The following UNK variants were observed in gnomAD, a reference collection of about 807,000 sequenced individuals.
UNK encodes unk zinc finger.
Under a neutral mutation model 97.6 loss-of-function variants are expected in UNK, and 32 were observed. The observed-to-expected ratio is 0.33, with a 90% confidence interval of 0.25 to 0.44. The LOEUF (loss-of-function observed/expected upper bound fraction) is 0.44, where lower values mean the gene tolerates loss of function less well. Among genes scored for constraint, UNK ranks in the 20% least tolerant of loss-of-function variants. UNK has a pLI of 1.00. For missense variants in UNK, 771 were observed against 1,098.4 expected, an observed-to-expected ratio of 0.70 and a Z score of 4.21; for synonymous variants, 441 against 461.2, an observed-to-expected ratio of 0.96 and a Z score of 0.56.
chr17:75,813,902 G>T, intron 6 of UNK, 24 bp downstream of exon 6: 1 of 1,539,912 alleles, frequency 6.5e-7, no homozygotes, highest in South Asian at 1.2e-5. Flanking sequence ...CAGGGTGGGG[G>T]GGTGGCTTTG....
Position 75,818,082 on chromosome 17 carries a change from TCC to T in UNK, c.1306-19_1306-18del. On this transcript the variant is annotated intron_variant, in intron 9 of 15. Coordinates refer to ENST00000589666, the MANE Select transcript of UNK (RefSeq NM_001080419.3). This position sits in a 1 kb window ranked among gnomAD's most constrained non-coding sequence, Gnocchi z 5.1. Reference sequence around the variant, plus strand: ...ACCCCCCAGCACCACATTCATCCACTCCCTGAATTTTCTCTCTCAGGCCAAAT... The same window carrying T: ...ACCCCCCAGCACCACATTCATCCACTCTGAATTTTCTCTCTCAGGCCAAAT... The T allele has an allele frequency of 1.2e-6, 2 of 1,612,562 alleles. No individual in the cohort carries two copies. The highest frequency in any genetic ancestry group is 2.2e-5 in the South Asian group (2 of 91,056).
At chr17:75,796,972 G>A (rs1006660937) in intron 1 of UNK, among the ~76,000 whole-genome samples, 1 of 152,264 alleles carries the variant, frequency 6.6e-6, no homozygotes, top group South Asian at 2.1e-4. Flanking sequence ...AGTTATATGT[G>A]GGGGAAGGAA....
intron 1 of UNK, among the ~76,000 whole-genome samples, chr17:75,790,897 A>G (rs1965261): frequency 0.98 from 149,862 of 152,186 alleles, 73,789 homozygotes; most frequent in East Asian, 1. Context: ...CCGAGATCAC[A>G]CTACTACACT....
rs895361960 is a variant in UNK, at chr17:75,819,658, C to T, written c.1547-26C>T. On this transcript the variant is annotated intron_variant, in intron 11 of 15. Transcript: ENST00000589666. This position sits in a 1 kb window ranked among gnomAD's most constrained non-coding sequence, Gnocchi z 5.4. ...AGGGTCAGATAGTCCCTCGGGAGGT[C>T]ACATCCCACTCTTCTCTGTCCCTAG... The T allele has an allele frequency of 2.5e-6, 4 of 1,610,620 alleles. No individual in the cohort carries two copies. The highest frequency in any genetic ancestry group is 3.4e-6 in the Non-Finnish European group (4 of 1,177,192).
intron 1 of UNK, among the ~76,000 whole-genome samples, chr17:75,796,179 T>TTATTTTATTTGC (rs1025049801): frequency 1.3e-5 from 2 of 152,142 alleles, no homozygotes; most frequent in Non-Finnish European, 2.9e-5. Context: ...CACCAGACAC[T>TTATTTTATTTGC]TATTTTATTT....
At chr17:75,798,965 C>G (rs565555821) in intron 1 of UNK, among the ~76,000 whole-genome samples, 9 of 151,830 alleles carry the variant, frequency 5.9e-5, no homozygotes, top group Non-Finnish European at 1.2e-4. Context: ...TACTCAGAGG[C>G]TGAGGCAGGA....
At position 75,816,896 on chromosome 17, in the gene UNK, C is replaced by A. The variant is rs2062021105; in HGVS notation, c.1088C>A (p.Ala363Asp). 6.2e-7 allele frequency: 1 copy of A among 1,604,200 alleles called. No individual in the cohort carries two copies. The highest frequency in any genetic ancestry group is 8.5e-7 in the Non-Finnish European group (1 of 1,178,896). Residue 363 changes from alanine (A) to aspartate (D), a missense_variant, in exon 8 of 16, where the codon GCC becomes GAC. Physicochemically the swap from Ala to Asp is moderately radical, Grantham distance 126 (BLOSUM62 -2). This residue lies in a region of UNK where 192 missense variants were observed against 202.4 expected (regional missense o/e 0.95). Transcript: ENST00000589666. The surrounding 1 kb of genome is among the most constrained non-coding windows in gnomAD (Gnocchi z 4.0). ...SVPVSPSSPHAPDLSALLCRN... is the reference protein window; with the variant it reads ...SVPVSPSSPHDPDLSALLCRN... ...CCTGTGAGCCCCTCCAGCCCGCATG[C>A]CCCTGACCTCAGTGCCGTACGTGTC...
rs748938740 is a variant in UNK, at chr17:75,816,727, G to T, written c.962-43G>T. The T allele has an allele frequency of 6.4e-7, 1 of 1,565,958 alleles. No individual in the cohort carries two copies. Among genetic ancestry groups the T allele is most frequent in the South Asian group, 1.1e-5 (1 of 87,210 alleles). Reference sequence around the variant, plus strand: ...ACCCAGGAGCATTTTTGGAGGGACAGAGCTGGCTGGGGCCTGCTGACCCCT... The same window carrying T: ...ACCCAGGAGCATTTTTGGAGGGACATAGCTGGCTGGGGCCTGCTGACCCCT... On this transcript the variant is annotated intron_variant, in intron 7 of 15. Coordinates refer to ENST00000589666, the MANE Select transcript of UNK (RefSeq NM_001080419.3). This position sits in a 1 kb window ranked among gnomAD's most constrained non-coding sequence, Gnocchi z 4.0.
At chr17:75,793,306 C>A (rs1599359892) in intron 1 of UNK, 1 of 587,698 alleles carries the variant, frequency 1.7e-6, no homozygotes. Flanking sequence ...ATGGGCATTT[C>A]TTTAAGGACA....
rs368052768 is a variant in UNK, at chr17:75,797,057, A to G, written c.104+12073A>G. 8.9e-4 allele frequency among the ~76,000 whole-genome samples: 135 copies of G among 152,308 alleles called. 2 individuals carry two copies. In the South Asian group the frequency reaches 0.026, roughly 29 times the overall value. On this transcript the variant is annotated intron_variant, in intron 1 of 15. Transcript: ENST00000589666. ...ATCATTTGAGCCTTTGGATACTACA[A>G]ATAATCTTCAAAAATGACAGGTTTT...
rs539408179 is a variant in UNK at position 75,825,673 on chromosome 17, C to T, written c.*1256C>T. On this transcript the variant is annotated 3_prime_UTR_variant, in exon 16 of 16. Transcript: ENST00000589666. This position sits in a 1 kb window ranked among gnomAD's most constrained non-coding sequence, Gnocchi z 4.4. The stretch of plus-strand genomic sequence containing the variant: ...AGGGCTGAGAGGGTCTGGTCCTGGC[C>T]CAGGCTCCCCCTTGGGCTCAGCACG... The T allele has an allele frequency of 6.6e-6, 1 of 152,348 alleles. No individual in the cohort carries two copies. The highest frequency in any genetic ancestry group is 2.4e-5 in the African/African-American group (1 of 41,554). The allele number at this position is 152,348 out of a possible 1,614,324, so 9.4% of individuals were successfully genotyped here. A position where few individuals can be genotyped will look rare whatever the true frequency, so the allele number is the denominator to read the frequency against.
In UNK at chr17:75,802,997, TCACACC is replaced by T. The variant is rs1450065095; in HGVS notation, c.105-6762_105-6757del. ...AAAATTACAGGCCGGACGCGGTGGC[TCACACC>T]TGTAATCCCAGCACTTTGAGAGGCC... On this transcript the variant is annotated intron_variant, in intron 1 of 15. Transcript: ENST00000589666. Among the ~76,000 whole-genome samples, 7 of 80,036 alleles carry T rather than the reference TCACACC, an allele frequency of 8.7e-5. 3 individuals carry two copies. The highest frequency in any genetic ancestry group is 9.2e-4 in the East Asian group (2 of 2,180). 52.5% of individuals were successfully genotyped at this position (80,036 alleles called of 152,430 possible).
At chr17:75,794,319 T>G (rs1019444330) in intron 1 of UNK, 1 of 382,666 alleles carries the variant, frequency 2.6e-6, no homozygotes, top group African/African-American at 2.2e-5. Context: ...CTACTACTGT[T>G]GTTTTTCCTT....
At chr17:75,804,698 G>A (rs973717382) in intron 1 of UNK, among the ~76,000 whole-genome samples, 5 of 151,792 alleles carry the variant, frequency 3.3e-5, no homozygotes, top group African/African-American at 1.2e-4. Context: ...AAATTAGCCA[G>A]GTGTGGTCAC....
rs191630967 is a variant in UNK at position 75,809,729 on chromosome 17, C to T, written c.105-31C>T. On this transcript the variant is annotated intron_variant, in intron 1 of 15. Transcript: ENST00000589666. ...AGCAAGAGACTTCATTCTCTGCTCC[C>T]GGCCTGCCCCACGCGGGGCTCTCTC... The T allele has an allele frequency of 6.9e-3, 10,830 of 1,568,308 alleles. 74 individuals are homozygous for T. The highest frequency in any genetic ancestry group is 0.02 in the South Asian group (1,751 of 86,112).
rs754713050 is a variant in UNK at position 75,812,258 on chromosome 17, A to G, written c.461A>G (p.His154Arg). ...CACTGCGCTTTTGCCCACGGGCCCC[A>G]TGACCTCCGCTCCCCTGTCTACGAC... Reference protein sequence around the residue: ...GLHCAFAHGPHDLRSPVYDIR... With the variant: ...GLHCAFAHGPRDLRSPVYDIR... Residue 154 changes from histidine to arginine, a missense_variant, in exon 3 of 16, where the codon CAT (histidine) becomes CGT (arginine). This residue lies in a region of UNK where 246 missense variants were observed against 440.7 expected (regional missense o/e 0.56). Transcript: ENST00000589666. The G allele has an allele frequency of 5.6e-6, 9 of 1,613,526 alleles. No homozygotes were observed. Among genetic ancestry groups the G allele is most frequent in the Admixed American group, 3.3e-5 (2 of 59,998 alleles).
chr17:75,817,998 C>T lies in UNK; in HGVS notation c.1306-105C>T, dbSNP rs2062032357. ...TGTGCATGCATGTGAAGAGGGGTTG[C>T]ATGTCTGCCACCACCTGCCCCCTGG... On this transcript the variant is annotated intron_variant, in intron 9 of 15. Transcript: ENST00000589666. The surrounding 1 kb of genome is among the most constrained non-coding windows in gnomAD (Gnocchi z 5.8). The T allele has an allele frequency of 1.5e-5, 16 of 1,088,930 alleles. No homozygotes were observed. The highest frequency in any genetic ancestry group is 6.5e-5 in the South Asian group (5 of 76,884). 67.5% of individuals were successfully genotyped at this position (1,088,930 alleles called of 1,614,324 possible).
At chr17:75,800,393 A>G (rs189970321) in intron 1 of UNK, among the ~76,000 whole-genome samples, 72 of 151,640 alleles carry the variant, frequency 4.7e-4, no homozygotes, top group Non-Finnish European at 9.3e-4. Context: ...CAATGGTTGA[A>G]AAGATATTTC....
chr17:75,820,485 G>A (rs950646938), intron 13 of UNK, among the ~76,000 whole-genome samples: 2 of 152,176 alleles, frequency 1.3e-5, no homozygotes, highest in Non-Finnish European at 2.9e-5. Context: ...CCCAGGCTCC[G>A]AGAGGCTGGC....
Sources: gnomAD v4.1 joint callset for allele counts (sites outside exome capture counted in the v4.1 genomes callset) on GRCh38, gnomAD v4.1.1 for gene constraint, gnomAD v4.1.1 regional missense constraint, Gnocchi (gnomAD v3.1) non-coding constraint, MANE v1.5 for transcripts, NCBI Gene and HGNC (gene_info 2026-07-23, HGNC 2026-07-21) for gene names.